Variants in CDYL observed in about 807,000 individuals in gnomAD.
CDYL encodes chromodomain Y like.
CDYL carries 8 observed loss-of-function variants against 47.3 expected under a neutral mutation model. The ratio of observed to expected loss-of-function variants is 0.17; its 90% CI spans 0.10 to 0.31. CDYL has a LOEUF of 0.31. Ranked by LOEUF, CDYL falls within the 10% of genes least tolerant of loss-of-function variation. The pLI is 1.00. For missense variants in CDYL, 471 were observed against 701.4 expected (o/e 0.67, Z 3.71); for synonymous variants, 266 against 265.0 (o/e 1.00, Z -0.04).
intron 1 of CDYL, among the ~76,000 whole-genome samples, chr6:4,824,929 G>A (rs1043195926): frequency 2.6e-5 from 4 of 152,018 alleles, no homozygotes; most frequent in African/African-American, 9.6e-5. Context: ...GGAGTGTGGT[G>A]GCATGATCTC....
At chr6:4,901,163 A>G (rs981146531) in intron 2 of CDYL, among the ~76,000 whole-genome samples, 2 of 152,006 alleles carry the variant, frequency 1.3e-5, no homozygotes, top group Non-Finnish European at 1.5e-5. Flanking sequence ...AGAAATTTAG[A>G]TTTCTTAGGT....
At chr6:4,745,917 AGTGT>A (rs1460410187) in intron 3 of CDYL, among the ~76,000 whole-genome samples, 30 of 152,314 alleles carry the variant, frequency 2.0e-4, no homozygotes, top group Middle Eastern at 6.8e-3. Context: ...TGTTCAGGGA[AGTGT>A]TGATGATAAC....
chr6:4,776,289 C>T (rs1758445560), upstream of CDYL: 1 of 145,740 alleles, frequency 6.9e-6, no homozygotes, highest in South Asian at 2.0e-4. Flanking sequence ...TGCCCCGCCC[C>T]GCCGCCGCCC....
intron 1 of CDYL, among the ~76,000 whole-genome samples, chr6:4,882,163 A>C (rs908580065): frequency 1.3e-5 from 2 of 152,190 alleles, no homozygotes; most frequent in Non-Finnish European, 1.5e-5. Context: ...TCCATGACTC[A>C]AGAGTCTCTT....
chr6:4,874,558 C>T (rs1010562534), intron 1 of CDYL, among the ~76,000 whole-genome samples: 1 of 152,194 alleles, frequency 6.6e-6, no homozygotes, highest in African/African-American at 2.4e-5. Context: ...GCTGCCTAGC[C>T]TCCTTTCTGC....
At chr6:4,787,809 G>T (rs1176064959) in intron 1 of CDYL, among the ~76,000 whole-genome samples, 1 of 113,782 alleles carries the variant, frequency 8.8e-6, no homozygotes, top group Non-Finnish European at 1.6e-5. Flanking sequence ...GTCTCGCTCT[G>T]TTGCCCAGGC....
At chr6:4,844,854 A>G (rs1449285296) in intron 1 of CDYL, among the ~76,000 whole-genome samples, 1 of 152,204 alleles carries the variant, frequency 6.6e-6, no homozygotes, top group African/African-American at 2.4e-5. Context: ...ATATTTTCAT[A>G]AGAACTGTCT....
chr6:4,941,406 T>A (rs1341649324), intron 4 of CDYL, among the ~76,000 whole-genome samples: 2 of 152,216 alleles, frequency 1.3e-5, no homozygotes, highest in African/African-American at 4.8e-5. Flanking sequence ...TTTTCTTTTT[T>A]AAAACAAAAC....
chr6:4,882,753 G>A (rs1015743197), intron 1 of CDYL, among the ~76,000 whole-genome samples: 1 of 152,144 alleles, frequency 6.6e-6, no homozygotes, highest in Admixed American at 6.5e-5. Flanking sequence ...CAGCCCTGTC[G>A]AAGATTACCC....
intron 5 of CDYL, among the ~76,000 whole-genome samples, chr6:4,946,205 G>GC (rs951241318): frequency 2.6e-5 from 4 of 152,170 alleles, no homozygotes; most frequent in African/African-American, 7.2e-5. Context: ...GCTGTTCAGT[G>GC]CCCCCTCCAT....
chr6:4,781,825 T>C (rs1254672708), intron 1 of CDYL, among the ~76,000 whole-genome samples: 4 of 152,204 alleles, frequency 2.6e-5, no homozygotes, highest in Non-Finnish European at 4.4e-5. Context: ...ATGAATTCTT[T>C]TGTAAATAAG....
At chr6:4,718,330 A>C (rs898033833) in intron 2 of CDYL, among the ~76,000 whole-genome samples, 7 of 151,894 alleles carry the variant, frequency 4.6e-5, no homozygotes, top group Non-Finnish European at 1.0e-4. Flanking sequence ...CCAAGCTGGA[A>C]TGCAGTGGCA....
intron 1 of CDYL, among the ~76,000 whole-genome samples, chr6:4,815,220 T>C (rs1397440797): frequency 6.6e-6 from 1 of 152,246 alleles, no homozygotes; most frequent in Admixed American, 6.5e-5. Context: ...TGTATGTATG[T>C]GTATATATGC....
chr6:4,780,742 C>A (rs1471157910), intron 1 of CDYL, among the ~76,000 whole-genome samples: 1 of 152,204 alleles, frequency 6.6e-6, no homozygotes, highest in South Asian at 2.1e-4. Flanking sequence ...GGAAAAAAAA[C>A]CCATCCAACT....
chr6:4,785,657 A>C (rs1419066012), intron 1 of CDYL, among the ~76,000 whole-genome samples: 1 of 152,182 alleles, frequency 6.6e-6, no homozygotes, highest in Non-Finnish European at 1.5e-5. Flanking sequence ...GAACCAGGAC[A>C]AAAAAAGTCA....
intron 1 of CDYL, among the ~76,000 whole-genome samples, chr6:4,823,037 C>T (rs1028160470): frequency 7.9e-5 from 12 of 152,204 alleles, no homozygotes; most frequent in African/African-American, 2.4e-4. Context: ...GTCGACACCA[C>T]CTATCTCTAT....
intron 1 of CDYL, chr6:4,890,069 A>C (rs1172650906): frequency 1.0e-6 from 1 of 985,484 alleles, no homozygotes; most frequent in African/African-American, 1.7e-5. Context: ...AGAGGAAAGC[A>C]AACGGGAATA....
intron 1 of CDYL, among the ~76,000 whole-genome samples, chr6:4,847,349 G>A (rs954110624): frequency 6.6e-6 from 1 of 152,184 alleles, no homozygotes; most frequent in Non-Finnish European, 1.5e-5. Context: ...TAGTGGACCT[G>A]TCTGTCTTTT....
intron 3 of CDYL, among the ~76,000 whole-genome samples, chr6:4,746,434 A>C (rs77071079): frequency 3.5e-4 from 54 of 152,260 alleles, no homozygotes; most frequent in African/African-American, 7.9e-4. Context: ...CAATGAAGGA[A>C]ATCAATGAGT....
Sources: allele counts gnomAD v4.1 joint callset (sites outside exome capture counted in the v4.1 genomes callset), GRCh38; gene constraint gnomAD v4.1.1; transcripts MANE v1.5; gene names NCBI Gene and HGNC (gene_info 2026-07-23, HGNC 2026-07-21).